Variants in UGT1A10 observed in about 807,000 individuals in gnomAD.
UGT1A10 encodes UDP glucuronosyltransferase family 1 member A10, also known as UDP-glucuronosyltransferase 1A10.
UGT1A10 carries 49 observed loss-of-function variants against 45.8 expected under a neutral mutation model. The observed-to-expected ratio is 1.07, with a 90% CI of 0.85 to 1.36. UGT1A10 has a LOEUF of 1.36. UGT1A10 is among the 40% of genes most tolerant of loss of function. The pLI is 0.00. For synonymous variants in UGT1A10, 284 were observed against 249.7 expected (o/e 1.14, Z -1.29); for missense variants, 745 against 668.6 (o/e 1.11, Z -1.26).
chr2:233,759,599 A>ACCCCCCCCCCCC (rs1553620419), intron 1 of UGT1A10, among the ~76,000 whole-genome samples: 28 of 108,656 alleles, frequency 2.6e-4, no homozygotes, highest in African/African-American at 6.5e-4. Context: ...CCCACCCCCG[A>ACCCCCCCCCCCC]CCCGCCCCAC....
At chr2:233,685,598 A>C (rs2074745472) in intron 1 of UGT1A10, among the ~76,000 whole-genome samples, 1 of 152,210 alleles carries the variant, frequency 6.6e-6, no homozygotes. Context: ...GCCTCCCTCC[A>C]AGATTATTTA....
rs376801837 is a variant in UGT1A10 at position 233,681,892 on chromosome 2, T to C, written c.855+44515T>C. On this transcript the variant is annotated intron_variant, in intron 1 of 4. Transcript: ENST00000344644. ...TGTACTTCTTCCACTTACTATATTA[T>C]AGGAGCTTAGAATCCCAGCTGCTGG... The C allele has an allele frequency of 1.4e-5, 22 of 1,586,758 alleles. No homozygotes were observed. The African/African-American group carries it at 2.2e-4, about 16-fold the overall frequency.
intron 1 of UGT1A10, among the ~76,000 whole-genome samples, chr2:233,746,603 T>C (rs1036013853): frequency 3.3e-5 from 5 of 151,768 alleles, no homozygotes; most frequent in Non-Finnish European, 5.9e-5. Context: ...TTGTCTCTGT[T>C]CACCTGACCC....
Position 233,643,080 on chromosome 2 carries a change from T to C in UGT1A10, c.855+5703T>C, listed in dbSNP as rs573550695. 7.9e-5 allele frequency among the ~76,000 whole-genome samples: 12 copies of C among 152,316 alleles called. No individual in the cohort carries two copies. The South Asian group carries it at 2.3e-3, about 29-fold the overall frequency. ...TACTGCCTATGTTTGCTCAACGCCC[T>C]TGGGCTTTACAATCAGCAGGTGATA... On this transcript the variant is annotated intron_variant, in intron 1 of 4. Transcript: ENST00000344644.
At chr2:233,747,568 A>G in intron 1 of UGT1A10, 5 of 1,592,710 alleles carry the variant, frequency 3.1e-6, no homozygotes, top group Non-Finnish European at 3.4e-6. Flanking sequence ...ATTTTGAAAA[A>G]TTCATCTTTG....
chr2:233,659,049 A>C (rs1443846654), intron 1 of UGT1A10, among the ~76,000 whole-genome samples: 1 of 152,228 alleles, frequency 6.6e-6, no homozygotes, highest in Admixed American at 6.5e-5. Context: ...CAGCATCCTA[A>C]CAATTTTGAG....
chr2:233,674,351 G>A (rs1434151760), intron 1 of UGT1A10, among the ~76,000 whole-genome samples: 1 of 152,124 alleles, frequency 6.6e-6, no homozygotes. Context: ...AATCTAAGAG[G>A]TTAGACTTGT....
chr2:233,724,180 C>A (rs1179896471), intron 1 of UGT1A10, among the ~76,000 whole-genome samples: 6 of 128,866 alleles, frequency 4.7e-5, no homozygotes, highest in Non-Finnish European at 8.1e-5. Context: ...CCATCTCCCT[C>A]CCGGACGGGG....
intron 1 of UGT1A10, among the ~76,000 whole-genome samples, chr2:233,694,304 G>GTT (rs35761222): frequency 6.9e-5 from 10 of 145,480 alleles, no homozygotes; most frequent in East Asian, 2.0e-4. Flanking sequence ...CCTGTTTTTT[G>GTT]TTTTTTTTTT....
intron 1 of UGT1A10, chr2:233,648,157 C>T (rs1264404631): frequency 8.7e-7 from 1 of 1,155,066 alleles, no homozygotes; most frequent in Non-Finnish European, 1.2e-6. Flanking sequence ...CTTATTTTCT[C>T]TATTAATGAG....
At position 233,666,557 on chromosome 2, in the gene UGT1A10, T is replaced by C. The variant is rs1036321822; in HGVS notation, c.855+29180T>C. ...ATTTTTTAAAATTGAATTTTAAAGA[T>C]TATTTATATTCTGGATATTTATCCT... On this transcript the variant is annotated intron_variant, in intron 1 of 4. Transcript: ENST00000344644. Among the ~76,000 whole-genome samples, 18 of 152,194 alleles carry C rather than the reference T, an allele frequency of 1.2e-4. 1 individual carries two copies.
At chr2:233,639,036 A>C (rs2125461478) in intron 1 of UGT1A10, among the ~76,000 whole-genome samples, 1 of 152,328 alleles carries the variant, frequency 6.6e-6, no homozygotes, top group African/African-American at 2.4e-5. Flanking sequence ...AGGATCTGCC[A>C]CTTCCTGAAC....
chr2:233,645,668 A>G (rs2073582036), intron 1 of UGT1A10, among the ~76,000 whole-genome samples: 1 of 152,196 alleles, frequency 6.6e-6, no homozygotes, highest in Admixed American at 6.5e-5. Flanking sequence ...CTTTGACTCC[A>G]TGTCTCACAT....
chr2:233,693,918 C>T (rs907790099), intron 1 of UGT1A10: 4 of 1,611,064 alleles, frequency 2.5e-6, no homozygotes, highest in Non-Finnish European at 3.4e-6. Context: ...GCTCTGTCCT[C>T]CCTCACTCAT....
chr2:233,745,894 T>A (rs1160883177), intron 1 of UGT1A10, among the ~76,000 whole-genome samples: 2 of 150,898 alleles, frequency 1.3e-5, no homozygotes, highest in Non-Finnish European at 1.5e-5. Context: ...TGGGGTGGCG[T>A]TTTTCAGGGA....
intron 1 of UGT1A10, among the ~76,000 whole-genome samples, chr2:233,711,740 G>A (rs866118094): frequency 2.6e-5 from 4 of 152,188 alleles, no homozygotes; most frequent in Non-Finnish European, 5.9e-5. Flanking sequence ...TGGCAGACAC[G>A]GCCAGGCATG....
At chr2:233,655,503 G>T (rs1480204434) in intron 1 of UGT1A10, among the ~76,000 whole-genome samples, 1 of 152,188 alleles carries the variant, frequency 6.6e-6, no homozygotes, top group Admixed American at 6.5e-5. Context: ...GCCTTAGGCT[G>T]TCATTTCCAA....
At chr2:233,642,830 A>T (rs962723862) in intron 1 of UGT1A10, among the ~76,000 whole-genome samples, 2 of 151,760 alleles carry the variant, frequency 1.3e-5, no homozygotes, top group Non-Finnish European at 2.9e-5. Flanking sequence ...TCCAGCACAT[A>T]CTCTTGCTTT....
At chr2:233,693,116 C>T in intron 1 of UGT1A10, 1 of 1,614,114 alleles carries the variant, frequency 6.2e-7, no homozygotes, top group Non-Finnish European at 8.5e-7. Context: ...GGACGGAAGC[C>T]ACTGGCTTAG....
Sources: allele counts gnomAD v4.1 joint callset (sites outside exome capture counted in the v4.1 genomes callset), GRCh38; gene constraint gnomAD v4.1.1; transcripts MANE v1.5; gene names NCBI Gene and HGNC (gene_info 2026-07-23, HGNC 2026-07-21).